GALNT13: variants seen among roughly 807,000 people sequenced by gnomAD.
GALNT13 encodes UDP-GalNAc:polypeptide N-acetylgalactosaminyltransferase 13.
A neutral mutation model predicts 64.2 loss-of-function variants in GALNT13; 28 were observed. The ratio of observed to expected loss-of-function variants is 0.44; its 90% CI spans 0.32 to 0.60. The LOEUF is 0.60. Among genes scored for constraint, GALNT13 ranks in the 20% least tolerant of loss-of-function variants. The pLI is 0.05. For missense variants in GALNT13, 577 were observed against 669.8 expected (o/e 0.86, Z 1.53); for synonymous variants, 214 against 224.6 (o/e 0.95, Z 0.42).
At chr2:154,091,382 T>A (rs573696796) in intron 3 of GALNT13, among the ~76,000 whole-genome samples, 20 of 151,940 alleles carry the variant, frequency 1.3e-4, no homozygotes, top group Non-Finnish European at 2.2e-4. Flanking sequence ...TAAAACATGG[T>A]CCATTTTGAA....
At chr2:153,781,843 A>C in the GALNT13 span, among the ~76,000 whole-genome samples, 4 of 152,204 alleles carry the variant, frequency 2.6e-5, no homozygotes, top group Admixed American at 6.5e-5. Context: ...ATCACTTCCA[A>C]TTAATAGAAT....
At chr2:154,268,770 A>G (rs909327998) in intron 8 of GALNT13, among the ~76,000 whole-genome samples, 1 of 152,104 alleles carries the variant, frequency 6.6e-6, no homozygotes, top group Non-Finnish European at 1.5e-5. Context: ...ACTTTTAAAT[A>G]TCCCTGTTGA....
chr2:153,087,469 C>G, the GALNT13 span, among the ~76,000 whole-genome samples: 137,962 of 152,132 alleles, frequency 0.91, 63,384 homozygotes, highest in East Asian at 1. Flanking sequence ...CCTGGTTTTG[C>G]TATTAGGGTG....
At chr2:153,883,906 TCTTA>T (rs1431304469) in intron 1 of GALNT13, among the ~76,000 whole-genome samples, 2 of 152,064 alleles carry the variant, frequency 1.3e-5, no homozygotes, top group African/African-American at 4.8e-5. Flanking sequence ...TTTCAGTCAA[TCTTA>T]CTTAAAATGT....
Position 154,420,636 on chromosome 2 carries a change from G to A in GALNT13, c.1395+11554G>A, listed in dbSNP as rs545045667. 2.0e-4 allele frequency among the ~76,000 whole-genome samples: 31 copies of A among 152,006 alleles called. 1 individual carries two copies. In the South Asian group the frequency reaches 6.0e-3, roughly 30 times the overall value. ...TATGTGAAGAATATTAAGGTCTTTCGAAATACTCTTCTATTCCCCATCACC... is the reference window on the plus strand; with the variant it reads ...TATGTGAAGAATATTAAGGTCTTTCAAAATACTCTTCTATTCCCCATCACC... On this transcript the variant is annotated intron_variant, in intron 11 of 12. Coordinates refer to ENST00000392825, the MANE Select transcript of GALNT13 (RefSeq NM_052917.4).
chr2:154,292,757 A>G (rs1049050869), intron 8 of GALNT13, among the ~76,000 whole-genome samples: 3 of 152,224 alleles, frequency 2.0e-5, no homozygotes, highest in Admixed American at 1.3e-4. Context: ...GGGGAAAGAT[A>G]AAGATTAATA....
chr2:153,356,879 G>A, the GALNT13 span, among the ~76,000 whole-genome samples: 1 of 136,520 alleles, frequency 7.3e-6, no homozygotes, highest in East Asian at 2.3e-4. Context: ...CTCACTGCAC[G>A]CTCTGCCTGC....
At chr2:153,610,397 G>A in the GALNT13 span, among the ~76,000 whole-genome samples, 3 of 152,082 alleles carry the variant, frequency 2.0e-5, no homozygotes, top group South Asian at 2.1e-4. Context: ...AGATTGGGCC[G>A]GGCGCTGTGG....
the GALNT13 span, among the ~76,000 whole-genome samples, chr2:153,289,807 G>T: frequency 2.0e-5 from 3 of 152,170 alleles, no homozygotes; most frequent in Non-Finnish European, 4.4e-5. Context: ...TTAGCACCAT[G>T]ACATGCCACG....
At chr2:153,666,250 C>T in the GALNT13 span, among the ~76,000 whole-genome samples, 1 of 152,086 alleles carries the variant, frequency 6.6e-6, no homozygotes, top group Non-Finnish European at 1.5e-5. Flanking sequence ...GATTGCTTTG[C>T]CAGCACATGA....
chr2:153,694,332 C>G, the GALNT13 span, among the ~76,000 whole-genome samples: 1 of 152,092 alleles, frequency 6.6e-6, no homozygotes, highest in African/African-American at 2.4e-5. Flanking sequence ...TGCCTATTCT[C>G]TCAAACTACA....
At chr2:154,104,237 C>T (rs1458549478) in intron 3 of GALNT13, among the ~76,000 whole-genome samples, 1 of 151,918 alleles carries the variant, frequency 6.6e-6, no homozygotes, top group South Asian at 2.1e-4. Flanking sequence ...TGGCGGGGAA[C>T]CTATCTGGCA....
At chr2:153,493,660 GA>G in the GALNT13 span, among the ~76,000 whole-genome samples, 1 of 151,724 alleles carries the variant, frequency 6.6e-6, no homozygotes, top group Non-Finnish European at 1.5e-5. Flanking sequence ...AATCTTAATA[GA>G]AAACCTGACA....
chr2:153,703,429 G>A, the GALNT13 span, among the ~76,000 whole-genome samples: 5 of 151,424 alleles, frequency 3.3e-5, no homozygotes, highest in Admixed American at 6.6e-5. Context: ...TATAAACTTC[G>A]CTTATGTAAA....
At chr2:153,920,008 C>T (rs1299425405) in intron 2 of GALNT13, among the ~76,000 whole-genome samples, 1 of 147,398 alleles carries the variant, frequency 6.8e-6, no homozygotes, top group Non-Finnish European at 1.5e-5. Context: ...TAATATATAA[C>T]AGTTATATAT....
At chr2:153,801,795 T>C in the GALNT13 span, among the ~76,000 whole-genome samples, 1 of 152,176 alleles carries the variant, frequency 6.6e-6, no homozygotes, top group African/African-American at 2.4e-5. Flanking sequence ...ACACAATATC[T>C]GAAAAGCATA....
intron 1 of GALNT13, among the ~76,000 whole-genome samples, chr2:153,893,597 CATT>C (rs71396361): frequency 0.21 from 31,871 of 151,608 alleles, 4,084 homozygotes; most frequent in Middle Eastern, 0.33. Context: ...TAAATTATGT[CATT>C]ATTTACAAAA....
At chr2:153,553,688 G>C in the GALNT13 span, among the ~76,000 whole-genome samples, 1 of 152,200 alleles carries the variant, frequency 6.6e-6, no homozygotes, top group South Asian at 2.1e-4. Flanking sequence ...AAAAGGTCTA[G>C]AAATGGTGAT....
the GALNT13 span, among the ~76,000 whole-genome samples, chr2:153,350,124 T>C: frequency 6.6e-6 from 1 of 152,154 alleles, no homozygotes; most frequent in Non-Finnish European, 1.5e-5. Flanking sequence ...ATCATACTTA[T>C]TTTATTCTAA....
Sources: allele counts gnomAD v4.1 joint callset (sites outside exome capture counted in the v4.1 genomes callset), GRCh38; gene constraint gnomAD v4.1.1; transcripts MANE v1.5; gene names NCBI Gene and HGNC (gene_info 2026-07-23, HGNC 2026-07-21).